The following ZNF500 variants were observed in gnomAD, a reference collection of about 807,000 sequenced individuals.
The protein encoded by ZNF500 is zinc finger protein with KRAB and SCAN domains 18.
A neutral mutation model predicts 30.1 loss-of-function variants in ZNF500; 31 were observed. The observed-to-expected ratio is 1.03, with a 90% CI of 0.77 to 1.39. ZNF500 has a LOEUF of 1.39. ZNF500 is among the 40% of genes most tolerant of loss of function. The pLI, the probability that ZNF500 is intolerant of heterozygous loss-of-function variation, is 0.00. For synonymous variants in ZNF500, 392 were observed against 282.0 expected, an observed-to-expected ratio of 1.39 and a Z score of -3.91; for missense variants, 817 against 657.8, an observed-to-expected ratio of 1.24 and a Z score of -2.65.
At chr16:4,745,553 C>T (rs741694), downstream of ZNF500, among the ~76,000 whole-genome samples, 1 of 152,100 alleles carries the variant, frequency 6.6e-6, no homozygotes, top group East Asian at 1.9e-4. Flanking sequence ...GCCCTCCCCA[C>T]ACTTTGGTTG....
chr16:4,763,324 G>A (rs369663987), intron 2 of ZNF500, among the ~76,000 whole-genome samples: 77 of 151,836 alleles, frequency 5.1e-4, no homozygotes, highest in East Asian at 1.7e-3. Context: ...GCTTGAACTC[G>A]GGAAGTACAG....
chr16:4,746,235 A>G (rs944268171), downstream of ZNF500: 2 of 910,842 alleles, frequency 2.2e-6, no homozygotes, highest in South Asian at 3.4e-5. Context: ...TAAAAGAGCA[A>G]ATGTGTTTAA....
chr16:4,756,859 G>A (rs541583588), intron 5 of ZNF500, among the ~76,000 whole-genome samples: 2 of 152,082 alleles, frequency 1.3e-5, no homozygotes, highest in Non-Finnish European at 2.9e-5. Context: ...GCATTGACCT[G>A]TGGTACCAGC....
In ZNF500 at chr16:4,762,614, C is replaced by T; in HGVS notation, c.557G>A (p.Ser186Asn). 1 of 1,614,028 alleles carries T rather than the reference C, an allele frequency of 6.2e-7. No individual in the cohort carries two copies. Among genetic ancestry groups the T allele is most frequent in the Non-Finnish European group, 8.5e-7 (1 of 1,179,934 alleles). Residue 186 changes from serine to asparagine, a missense_variant, in exon 3 of 6, where the codon AGC (serine) becomes AAC (asparagine). Ser to Asn is a conservative substitution (Grantham distance 46). Coordinates refer to ENST00000219478, the MANE Select transcript of ZNF500 (RefSeq NM_021646.4). ...FSSQQPPAQL[S>N]HRPQRGPLLW... ...CAGCGGGCCCCTCTGTGGCCTGTGG[C>T]TCAGCTGGGCTGGGGGCTGCTGGCT...
intron 1 of ZNF500, among the ~76,000 whole-genome samples, chr16:4,766,641 T>C (rs970133400): frequency 1.3e-5 from 2 of 152,148 alleles, no homozygotes; most frequent in Non-Finnish European, 2.9e-5. Flanking sequence ...AAAGGGATGT[T>C]TGCGGTCAGA....
intron 5 of ZNF500, among the ~76,000 whole-genome samples, chr16:4,757,713 C>G (rs904939558): frequency 3.3e-5 from 5 of 151,906 alleles, no homozygotes; most frequent in African/African-American, 1.2e-4. Flanking sequence ...AGCGATTCTC[C>G]TGCCTCAGCC....
At chr16:4,746,100 G>C, downstream of ZNF500, 1 of 365,432 alleles carries the variant, frequency 2.7e-6, no homozygotes, top group Non-Finnish European at 4.9e-6. Context: ...ATTTAAACTG[G>C]CTTAAATGTA....
At chr16:4,762,834 A>T in intron 2 of ZNF500, 78 bp from the exon 3 acceptor site, 4 of 1,483,312 alleles carry the variant, frequency 2.7e-6, no homozygotes, top group Non-Finnish European at 3.6e-6. Context: ...CACACCCCTC[A>T]TCTCAGGCAC....
At chr16:4,754,935 T>C (rs2082121318) in intron 5 of ZNF500, among the ~76,000 whole-genome samples, 1 of 152,008 alleles carries the variant, frequency 6.6e-6, no homozygotes, top group South Asian at 2.1e-4. Context: ...GGTGAGTGAG[T>C]TCCCATGAGA....
Position 4,765,858 on chromosome 16 carries a change from T to C in ZNF500, c.121A>G (p.Thr41Ala). 6.2e-7 allele frequency: 1 copy of C among 1,613,708 alleles called. No individual in the cohort carries two copies. The highest frequency in any genetic ancestry group is 8.5e-7 in the Non-Finnish European group (1 of 1,180,014). ...FCLEEEPSVE[T>A]EDPSPETFRQ... is the part of the protein sequence containing the mutation. ...AAAGTCTCAGGGCTGGGGTCCTCCGTCTCCACGGAGGGCTCCTCTTCCAAG... is the reference window on the plus strand; with the variant it reads ...AAAGTCTCAGGGCTGGGGTCCTCCGCCTCCACGGAGGGCTCCTCTTCCAAG... The change falls in exon 2 of 6, where the codon ACG (threonine) becomes GCG (alanine). Residue 41 changes from threonine to alanine, a missense_variant. Physicochemically the swap from Thr to Ala is moderately conservative, Grantham distance 58. Coordinates refer to ENST00000219478, the MANE Select transcript of ZNF500 (RefSeq NM_021646.4).
chr16:4,755,810 G>T (rs377029670), intron 5 of ZNF500, among the ~76,000 whole-genome samples: 2 of 152,158 alleles, frequency 1.3e-5, no homozygotes, highest in African/African-American at 4.8e-5. Flanking sequence ...TCACCCAAAT[G>T]TCCATCAACG....
chr16:4,760,240 G>A (rs1567531451), intron 5 of ZNF500, among the ~76,000 whole-genome samples: 1 of 152,176 alleles, frequency 6.6e-6, no homozygotes, highest in Non-Finnish European at 1.5e-5. Flanking sequence ...GGAAGCTGAA[G>A]TGAAGTAGGA....
chr16:4,747,433 C>A, downstream of ZNF500: 1 of 1,613,026 alleles, frequency 6.2e-7, no homozygotes, highest in Non-Finnish European at 8.5e-7. Flanking sequence ...GCAAGGGGCC[C>A]GCGGGTGGGA....
chr16:4,762,847 C>T (rs573375440), intron 2 of ZNF500, 91 bp from the exon 3 acceptor site: 13 of 1,471,784 alleles, frequency 8.8e-6, no homozygotes, highest in Non-Finnish European at 1.2e-5. Context: ...TCAGGCACCC[C>T]AGCCGGCTGC....
downstream of ZNF500, among the ~76,000 whole-genome samples, chr16:4,745,591 G>C (rs2082004738): frequency 6.6e-6 from 1 of 152,234 alleles, no homozygotes; most frequent in Non-Finnish European, 1.5e-5. Context: ...CTGAGAACCA[G>C]TGAATCCCTT....
chr16:4,761,723 G>A (rs911700749), intron 4 of ZNF500, among the ~76,000 whole-genome samples: 3 of 150,910 alleles, frequency 2.0e-5, no homozygotes, highest in African/African-American at 7.4e-5. Flanking sequence ...GGGTGTGGTG[G>A]TGCATGCCTG....
intron 1 of ZNF500, 37 bp downstream of exon 1, chr16:4,766,980 C>A (rs979002952): frequency 2.0e-5 from 3 of 152,308 alleles, no homozygotes; most frequent in African/African-American, 7.2e-5. Context: ...ATCGAAGCTT[C>A]GGCCGGGACC....
rs367943784 is a variant in ZNF500 at position 4,754,531 on chromosome 16, G to C, written c.761-1473C>G. 1.1e-4 allele frequency among the ~76,000 whole-genome samples: 16 copies of C among 151,944 alleles called. No homozygotes were observed. In the East Asian group the frequency reaches 3.1e-3, roughly 29 times the overall value. ...ATAAAAAAATTAGTTGGGGGTAGTG[G>C]TGGGTGCCTGTAATCCCAGCTACTT... is the stretch of plus-strand genomic sequence containing the variant. On this transcript the variant is annotated intron_variant, in intron 5 of 5. Coordinates refer to ENST00000219478, the MANE Select transcript of ZNF500 (RefSeq NM_021646.4).
intron 5 of ZNF500, chr16:4,758,443 C>T (rs2082161780): frequency 1.3e-5 from 2 of 152,348 alleles, no homozygotes; most frequent in East Asian, 3.9e-4. Flanking sequence ...TCCCTTTTGA[C>T]TTCTGCCTTT....
Sources: gnomAD v4.1 joint callset for allele counts (sites outside exome capture counted in the v4.1 genomes callset) on GRCh38, gnomAD v4.1.1 for gene constraint, MANE v1.5 for transcripts, NCBI Gene and HGNC (gene_info 2026-07-23, HGNC 2026-07-21) for gene names.